OLFM3: variants seen among roughly 807,000 people sequenced by gnomAD.
OLFM3 encodes olfactomedin 3.
OLFM3 carries 20 observed loss-of-function variants against 48.6 expected under a neutral mutation model. The ratio of observed to expected loss-of-function variants is 0.41; its 90% CI spans 0.29 to 0.60. The LOEUF (loss-of-function observed/expected upper bound fraction) is 0.60. Among genes scored for constraint, OLFM3 ranks in the 20% least tolerant of loss-of-function variants. OLFM3 has a pLI of 0.28. For missense variants in OLFM3, 437 were observed against 544.3 expected, an observed-to-expected ratio of 0.80 and a Z score of 1.96; for synonymous variants, 222 against 198.1, an observed-to-expected ratio of 1.12 and a Z score of -1.01.
At chr1:101,911,579 G>A (rs1658761597) in intron 1 of OLFM3, among the ~76,000 whole-genome samples, 1 of 152,156 alleles carries the variant, frequency 6.6e-6, no homozygotes, top group Non-Finnish European at 1.5e-5. Flanking sequence ...AGTTACCCAA[G>A]TTTAACCTCG....
rs942104623 is a variant in OLFM3, at chr1:101,802,869, G to T, written c.*1369C>A. On this transcript the variant is annotated 3_prime_UTR_variant, in exon 6 of 6. Transcript: ENST00000370103. The stretch of plus-strand genomic sequence containing the variant: ...CCTTAGGGAACTATTTTTTTAATAT[G>T]TGGAAAATACATCCAAACTCAATGA... 6.6e-6 allele frequency: 1 copy of T among 151,276 alleles called. No homozygotes were observed. Among genetic ancestry groups the T allele is most frequent in the Non-Finnish European group, 1.5e-5 (1 of 67,620 alleles). The allele number at this position is 151,276 out of a possible 1,614,324, so 9.4% of individuals were successfully genotyped here.
chr1:101,807,775 T>G (rs569419088), intron 4 of OLFM3, among the ~76,000 whole-genome samples: 2 of 151,926 alleles, frequency 1.3e-5, no homozygotes, highest in South Asian at 4.1e-4. Context: ...GTGGGTTACT[T>G]TATGATTTCC....
rs1656254726 is a variant in OLFM3, at chr1:101,852,347, A to C, written c.70-15322T>G. Among the ~76,000 whole-genome samples the C allele has an allele frequency of 2.0e-5, 3 of 152,234 alleles. No individual in the cohort carries two copies. In the South Asian group the frequency reaches 6.2e-4, roughly 32 times the overall value. The stretch of plus-strand genomic sequence containing the variant: ...CCAGTTACCCCTAGATTGCTAATCT[A>C]GCAGTCAATTCTCAGTCCCCAACTT... On this transcript the variant is annotated intron_variant, in intron 1 of 5. Coordinates refer to ENST00000370103, the MANE Select transcript of OLFM3 (RefSeq NM_058170.4).
At chr1:101,976,569 C>T (rs1336612036) in intron 1 of OLFM3, among the ~76,000 whole-genome samples, 2 of 152,170 alleles carry the variant, frequency 1.3e-5, no homozygotes, top group East Asian at 3.9e-4. Context: ...CCGACAGAAA[C>T]TATTATGTCA....
rs543981944 is a variant in OLFM3, at chr1:101,960,679, C to G, written c.69+36069G>C. 2.0e-5 allele frequency among the ~76,000 whole-genome samples: 3 copies of G among 152,246 alleles called. No individual in the cohort carries two copies. The South Asian group carries it at 6.2e-4, about 32-fold the overall frequency. On this transcript the variant is annotated intron_variant, in intron 1 of 5. Coordinates refer to ENST00000370103, the MANE Select transcript of OLFM3 (RefSeq NM_058170.4). Reference sequence around the variant, plus strand: ...ATTCTCATTTTATATTTATAGATGACTGACCACTCTCTCTTTTGATTGGCA... The same window carrying G: ...ATTCTCATTTTATATTTATAGATGAGTGACCACTCTCTCTTTTGATTGGCA...
chr1:101,853,444 T>G (rs1656298543), intron 1 of OLFM3, among the ~76,000 whole-genome samples: 1 of 152,072 alleles, frequency 6.6e-6, no homozygotes, highest in Non-Finnish European at 1.5e-5. Context: ...ACTTTTTTTC[T>G]CCTTAGAACT....
intron 1 of OLFM3, among the ~76,000 whole-genome samples, chr1:101,966,746 T>A (rs7550681): frequency 0.8 from 121,926 of 152,144 alleles, 49,085 homozygotes; most frequent in East Asian, 0.96. Flanking sequence ...ACTGAGATCC[T>A]GGCTTGGCGT....
intron 1 of OLFM3, among the ~76,000 whole-genome samples, chr1:101,967,165 A>G (rs918444002): frequency 1.3e-5 from 2 of 152,066 alleles, no homozygotes; most frequent in Non-Finnish European, 2.9e-5. Context: ...AATATACTAT[A>G]TCTATATTTA....
chr1:101,843,894 A>T (rs1655854331), intron 1 of OLFM3, among the ~76,000 whole-genome samples: 1 of 152,168 alleles, frequency 6.6e-6, no homozygotes. Flanking sequence ...TGCGTATTCC[A>T]TGAACATTCA....
intron 1 of OLFM3, among the ~76,000 whole-genome samples, chr1:101,903,216 A>G (rs1369583400): frequency 6.6e-6 from 1 of 152,096 alleles, no homozygotes; most frequent in Non-Finnish European, 1.5e-5. Flanking sequence ...ACAGAAGGGA[A>G]GCCCAAAGAG....
intron 1 of OLFM3, among the ~76,000 whole-genome samples, chr1:101,991,299 G>A (rs1452235703): frequency 6.6e-6 from 1 of 152,028 alleles, no homozygotes; most frequent in Admixed American, 6.5e-5. Flanking sequence ...CAAGACAACA[G>A]TCTGGTTTTG....
At chr1:101,974,009 C>CTT (rs5776614) in intron 1 of OLFM3, among the ~76,000 whole-genome samples, 225 of 147,968 alleles carry the variant, frequency 1.5e-3, no homozygotes, top group East Asian at 0.013. Context: ...GTTCATTTGC[C>CTT]TTTTTTTTTT....
At chr1:101,859,592 T>G (rs1373611668) in intron 1 of OLFM3, among the ~76,000 whole-genome samples, 1 of 152,152 alleles carries the variant, frequency 6.6e-6, no homozygotes, top group Non-Finnish European at 1.5e-5. Flanking sequence ...TTATACTTAC[T>G]GATTGAGCAT....
intron 1 of OLFM3, among the ~76,000 whole-genome samples, chr1:101,963,137 T>TC (rs1660512941): frequency 6.6e-6 from 1 of 152,178 alleles, no homozygotes; most frequent in Non-Finnish European, 1.5e-5. Flanking sequence ...TGGGGTCTCT[T>TC]CAATGCTTCT....
At chr1:101,907,465 TA>T (rs1258504385) in intron 1 of OLFM3, among the ~76,000 whole-genome samples, 1 of 152,190 alleles carries the variant, frequency 6.6e-6, no homozygotes, top group Non-Finnish European at 1.5e-5. Flanking sequence ...GTGCAGGCTA[TA>T]GAGAAAAATA....
intron 1 of OLFM3, among the ~76,000 whole-genome samples, chr1:101,917,658 C>T (rs1658969947): frequency 6.6e-6 from 1 of 152,156 alleles, no homozygotes; most frequent in African/African-American, 2.4e-5. Flanking sequence ...CTCAAGTGAT[C>T]CACGCATCTC....
intron 1 of OLFM3, among the ~76,000 whole-genome samples, chr1:101,923,603 T>A: frequency 6.6e-6 from 1 of 152,036 alleles, no homozygotes; most frequent in African/African-American, 2.4e-5. Flanking sequence ...ACAAATAAAA[T>A]GTATATGGAT....
chr1:101,964,315 G>A (rs1570671835), intron 1 of OLFM3, among the ~76,000 whole-genome samples: 1 of 152,156 alleles, frequency 6.6e-6, no homozygotes, highest in Non-Finnish European at 1.5e-5. Flanking sequence ...GGCAAGAAAT[G>A]AGATTAGAAA....
intron 1 of OLFM3, 140 bp downstream of exon 1, chr1:101,996,607 GC>G: frequency 1.3e-6 from 1 of 790,090 alleles, no homozygotes; most frequent in Admixed American, 2.1e-5. Flanking sequence ...TATGTTCCAA[GC>G]AGTGGGGATA....
Sources: gnomAD v4.1 joint callset for allele counts (sites outside exome capture counted in the v4.1 genomes callset) on GRCh38, gnomAD v4.1.1 for gene constraint, MANE v1.5 for transcripts, NCBI Gene and HGNC (gene_info 2026-07-23, HGNC 2026-07-21) for gene names.